The following PAG1 variants were observed in gnomAD, a reference collection of about 807,000 sequenced individuals.
PAG1 encodes phosphoprotein associated with glycosphingolipid-enriched microdomains 1.
PAG1 carries 23 observed loss-of-function variants against 31.7 expected under a neutral mutation model. The ratio of observed to expected loss-of-function variants is 0.73; its 90% CI spans 0.52 to 1.03. The LOEUF is 1.03. Among genes scored for constraint, PAG1 ranks in the 50% least tolerant of loss-of-function variants. The probability of loss-of-function intolerance (pLI) is 0.00; values close to 1 mark genes in which losing one functional copy is unlikely to be tolerated. For synonymous variants in PAG1, 214 were observed against 210.3 expected (o/e 1.02, Z -0.15); for missense variants, 473 against 540.7 (o/e 0.87, Z 1.24).
At chr8:80,992,789 G>A (rs1489693869) in intron 4 of PAG1, among the ~76,000 whole-genome samples, 6 of 152,156 alleles carry the variant, frequency 3.9e-5, no homozygotes, top group Non-Finnish European at 7.3e-5. Context: ...CAAAATGCCC[G>A]CACATGAAAA....
At chr8:81,040,708 T>G (rs1481814932) in intron 2 of PAG1, 2 of 152,208 alleles carry the variant, frequency 1.3e-5, no homozygotes, top group African/African-American at 4.8e-5. Flanking sequence ...ATAGAACAAA[T>G]TGGTATTATG....
rs1359080703 is a variant in PAG1, at chr8:80,975,836, T to C, written c.*708A>G. 1 of 152,146 alleles carries C rather than the reference T, an allele frequency of 6.6e-6. No homozygotes were observed. The highest frequency in any genetic ancestry group is 1.5e-5 in the Non-Finnish European group (1 of 68,020). The allele number at this position is 152,146 out of a possible 1,614,324, so 9.4% of individuals were successfully genotyped here. Reference sequence around the variant, plus strand: ...GCATCTAAAACTGACTTCAAGTACTTTGGGGAGAGGCTGCTGATATCGAAT... The same window carrying C: ...GCATCTAAAACTGACTTCAAGTACTCTGGGGAGAGGCTGCTGATATCGAAT... On this transcript the variant is annotated 3_prime_UTR_variant, in exon 9 of 9. Transcript: ENST00000220597.
intron 1 of PAG1, among the ~76,000 whole-genome samples, chr8:81,089,609 T>C (rs188727770): frequency 1.3e-5 from 2 of 151,460 alleles, no homozygotes; most frequent in Admixed American, 6.6e-5. Flanking sequence ...TTAGGGAACA[T>C]GAACTGTTCA....
rs115535859 is a variant in PAG1, at chr8:80,986,383, C to G, written c.274+987G>C. Among the ~76,000 whole-genome samples, 1,486 of 152,232 alleles carry G rather than the reference C, an allele frequency of 9.8e-3. 24 individuals carry two copies. Among genetic ancestry groups the G allele is most frequent in the African/African-American group, 0.033 (1,376 of 41,504 alleles). On this transcript the variant is annotated intron_variant, in intron 6 of 8. Coordinates refer to ENST00000220597, the MANE Select transcript of PAG1 (RefSeq NM_018440.4). Reference sequence around the variant, plus strand: ...ACCCCACAGTTTCCTCATCAGTAAACAGGGGTAACAGGACGCCCTCTTACC... The same window carrying G: ...ACCCCACAGTTTCCTCATCAGTAAAGAGGGGTAACAGGACGCCCTCTTACC...
In PAG1 at chr8:81,019,929, G is replaced by A. The variant is rs527773646; in HGVS notation, c.-81+10067C>T. ...CAGGAGTGGGGATGTACCCTGAAAAGCCATAGGGGTGGAGCCGCCCAAGGC... is the reference window on the plus strand; with the variant it reads ...CAGGAGTGGGGATGTACCCTGAAAAACCATAGGGGTGGAGCCGCCCAAGGC... On this transcript the variant is annotated intron_variant, in intron 3 of 8. Coordinates refer to ENST00000220597, the MANE Select transcript of PAG1 (RefSeq NM_018440.4). Among the ~76,000 whole-genome samples, 3 of 152,302 alleles carry A rather than the reference G, an allele frequency of 2.0e-5. No individual in the cohort carries two copies. The East Asian group carries it at 5.8e-4, about 29-fold the overall frequency.
chr8:81,084,944 A>C (rs1809327560), intron 1 of PAG1, among the ~76,000 whole-genome samples: 2 of 152,246 alleles, frequency 1.3e-5, no homozygotes, highest in South Asian at 4.1e-4. Context: ...ACAGTTCAAC[A>C]TGAAAGGTTA....
At chr8:81,110,277 A>G (rs773846170) in intron 1 of PAG1, among the ~76,000 whole-genome samples, 1 of 152,198 alleles carries the variant, frequency 6.6e-6, no homozygotes, top group Non-Finnish European at 1.5e-5. Flanking sequence ...AATATGACCT[A>G]TTTTGTTAAA....
chr8:80,988,702 C>T (rs139672500), intron 5 of PAG1, among the ~76,000 whole-genome samples: 2 of 152,266 alleles, frequency 1.3e-5, no homozygotes, highest in African/African-American at 4.8e-5. Context: ...TATGCCCACC[C>T]CAGCCTCCCA....
intron 2 of PAG1, among the ~76,000 whole-genome samples, chr8:81,034,793 C>T (rs932560887): frequency 2.6e-5 from 4 of 152,198 alleles, no homozygotes; most frequent in African/African-American, 9.6e-5. Flanking sequence ...TCTTCCCCTG[C>T]TCTTGAGCTT....
At chr8:81,068,266 G>A (rs915478268) in intron 2 of PAG1, among the ~76,000 whole-genome samples, 1 of 152,144 alleles carries the variant, frequency 6.6e-6, no homozygotes, top group Non-Finnish European at 1.5e-5. Flanking sequence ...CAAGGCACAG[G>A]CACATTGGAA....
At chr8:81,051,664 G>C (rs1808730743) in intron 2 of PAG1, among the ~76,000 whole-genome samples, 1 of 152,122 alleles carries the variant, frequency 6.6e-6, no homozygotes, top group Non-Finnish European at 1.5e-5. Flanking sequence ...ATAGAAAACA[G>C]AGAAAACAAT....
chr8:81,002,172 A>C (rs1194598713), intron 3 of PAG1, among the ~76,000 whole-genome samples: 1 of 151,652 alleles, frequency 6.6e-6, no homozygotes, highest in East Asian at 1.9e-4. Flanking sequence ...ATTGCTTTGC[A>C]CTGTTTTTAT....
intron 2 of PAG1, among the ~76,000 whole-genome samples, chr8:81,049,758 A>G (rs1808697055): frequency 6.6e-6 from 1 of 152,234 alleles, no homozygotes; most frequent in Admixed American, 6.5e-5. Flanking sequence ...TCTTCCATTA[A>G]AACGACAGGA....
intron 2 of PAG1, chr8:81,036,824 T>C (rs764458931): frequency 1.3e-5 from 2 of 152,244 alleles, no homozygotes; most frequent in Non-Finnish European, 2.9e-5. Flanking sequence ...CTTTCTGGTA[T>C]TTACTGTGTT....
At chr8:81,051,375 T>C (rs7007670) in intron 2 of PAG1, among the ~76,000 whole-genome samples, 43,647 of 152,172 alleles carry the variant, frequency 0.29, 8,383 homozygotes, top group African/African-American at 0.55. Context: ...GAATGGCACA[T>C]CTACTTAGGT....
chr8:81,093,299 G>A (rs755617595), intron 1 of PAG1, among the ~76,000 whole-genome samples: 4 of 152,056 alleles, frequency 2.6e-5, no homozygotes, highest in Non-Finnish European at 4.4e-5. Context: ...AAAGTCTGAG[G>A]GTGGTCCGAA....
At chr8:81,081,774 T>C (rs556473914) in intron 1 of PAG1, among the ~76,000 whole-genome samples, 35 of 151,460 alleles carry the variant, frequency 2.3e-4, no homozygotes, top group South Asian at 1.9e-3. Flanking sequence ...TGTTTTATTG[T>C]GGAGTAGTAT....
At chr8:81,033,023 G>A (rs935604378) in intron 2 of PAG1, among the ~76,000 whole-genome samples, 22 of 152,190 alleles carry the variant, frequency 1.4e-4, no homozygotes, top group Admixed American at 1.2e-3. Flanking sequence ...AATACATAGA[G>A]ATAGAAAGTA....
At chr8:81,068,499 T>C (rs1352934023) in intron 2 of PAG1, among the ~76,000 whole-genome samples, 1 of 152,188 alleles carries the variant, frequency 6.6e-6, no homozygotes, top group African/African-American at 2.4e-5. Context: ...GGCACTTCTT[T>C]AATGTGGCGA....
Sources: allele counts gnomAD v4.1 joint callset (sites outside exome capture counted in the v4.1 genomes callset), GRCh38; gene constraint gnomAD v4.1.1; transcripts MANE v1.5; gene names NCBI Gene and HGNC (gene_info 2026-07-23, HGNC 2026-07-21).